The following SLC25A21 variants were observed in gnomAD, a reference collection of about 807,000 sequenced individuals.
SLC25A21 encodes solute carrier family 25 member 21.
SLC25A21 carries 47 observed loss-of-function variants against 43.8 expected under a neutral mutation model. The ratio of observed to expected loss-of-function variants is 1.07; its 90% CI spans 0.85 to 1.37. SLC25A21 has a LOEUF of 1.37. Among genes scored for constraint, SLC25A21 ranks in the 40% most tolerant of loss-of-function variants. The pLI, the probability that SLC25A21 is intolerant of heterozygous loss-of-function variation, is 0.00. For missense variants in SLC25A21, 352 were observed against 350.2 expected, an observed-to-expected ratio of 1.00 and a Z score of -0.04; for synonymous variants, 131 against 121.3, an observed-to-expected ratio of 1.08 and a Z score of -0.52.
chr14:37,019,346 G>T (rs186664692), intron 1 of SLC25A21, among the ~76,000 whole-genome samples: 2 of 151,706 alleles, frequency 1.3e-5, no homozygotes, highest in African/African-American at 4.8e-5. Flanking sequence ...TATATTTTTG[G>T]TCTCATTTTA....
chr14:36,677,929 C>G lies in SLC25A21; in HGVS notation c.*2729G>C, dbSNP rs1321966906. Reference sequence around the variant, plus strand: ...ATTGATTTTCTGGGGCAAAATTCTACAGTTTTTAATCCCTTCTGTTTAGGA... The same window carrying G: ...ATTGATTTTCTGGGGCAAAATTCTAGAGTTTTTAATCCCTTCTGTTTAGGA... On this transcript the variant is annotated 3_prime_UTR_variant, in exon 10 of 10. Coordinates refer to ENST00000331299, the MANE Select transcript of SLC25A21 (RefSeq NM_030631.4). The G allele has an allele frequency of 6.6e-6, 1 of 152,664 alleles. No individual in the cohort carries two copies. The highest frequency in any genetic ancestry group is 2.4e-5 in the African/African-American group (1 of 41,438). 9.5% of individuals were successfully genotyped at this position (152,664 alleles called of 1,614,324 possible).
chr14:36,766,391 A>G (rs1886416384), intron 3 of SLC25A21, among the ~76,000 whole-genome samples: 1 of 152,158 alleles, frequency 6.6e-6, no homozygotes, highest in African/African-American at 2.4e-5. Context: ...GAAAAACACT[A>G]ATCTGAAGTA....
chr14:36,679,637 T>C lies in SLC25A21; in HGVS notation c.*1021A>G. On this transcript the variant is annotated 3_prime_UTR_variant, in exon 10 of 10. Coordinates refer to ENST00000331299, the MANE Select transcript of SLC25A21 (RefSeq NM_030631.4). ...CAGAACATTTCCCCTTCATCATACATATTTTAATACTGCAGACAGCTGACT... is the reference window on the plus strand; with the variant it reads ...CAGAACATTTCCCCTTCATCATACACATTTTAATACTGCAGACAGCTGACT... 5.1e-6 allele frequency: 5 copies of C among 985,424 alleles called. No homozygotes were observed. The highest frequency in any genetic ancestry group is 6.0e-6 in the Non-Finnish European group (5 of 829,894). 61.0% of individuals were successfully genotyped at this position (985,424 alleles called of 1,614,324 possible).
intron 1 of SLC25A21, among the ~76,000 whole-genome samples, chr14:36,948,474 T>TA (rs1020606179): frequency 1.3e-5 from 2 of 152,072 alleles, no homozygotes; most frequent in African/African-American, 4.8e-5. Flanking sequence ...AGAGAACAGA[T>TA]AAAAATAATA....
intron 1 of SLC25A21, among the ~76,000 whole-genome samples, chr14:37,147,095 G>T (rs1963679460): frequency 6.6e-6 from 1 of 152,084 alleles, no homozygotes; most frequent in South Asian, 2.1e-4. Flanking sequence ...AGACCCTCTA[G>T]AACTCCTTCA....
intron 3 of SLC25A21, among the ~76,000 whole-genome samples, chr14:36,746,413 AC>A (rs1885498821): frequency 1.3e-5 from 2 of 152,154 alleles, no homozygotes; most frequent in South Asian, 4.1e-4. Context: ...ACATGGACAT[AC>A]AGAGTGTAGA....
At chr14:36,903,614 GAAAAAAAA>G (rs71124784) in intron 1 of SLC25A21, among the ~76,000 whole-genome samples, 70 of 50,462 alleles carry the variant, frequency 1.4e-3, no homozygotes, top group African/African-American at 6.1e-3. Flanking sequence ...CTCCGTCTCA[GAAAAAAAA>G]AAAAAAAAAA....
At chr14:36,712,443 G>A (rs1384499466) in intron 6 of SLC25A21, among the ~76,000 whole-genome samples, 1 of 151,828 alleles carries the variant, frequency 6.6e-6, no homozygotes, top group Non-Finnish European at 1.5e-5. Flanking sequence ...TGGCAGTCTG[G>A]CACACTTTCA....
intron 2 of SLC25A21, among the ~76,000 whole-genome samples, chr14:36,824,375 T>C (rs758244750): frequency 1.4e-4 from 22 of 152,138 alleles, no homozygotes; most frequent in Non-Finnish European, 2.4e-4. Context: ...ACCTCACATG[T>C]TACCAAGATT....
At chr14:37,016,999 T>C (rs1252181840) in intron 1 of SLC25A21, among the ~76,000 whole-genome samples, 3 of 152,098 alleles carry the variant, frequency 2.0e-5, no homozygotes, top group Non-Finnish European at 4.4e-5. Context: ...TGATCTTCTA[T>C]CCAGACTACT....
rs190466950 is a variant in SLC25A21 at position 36,939,937 on chromosome 14, G to A, written c.71-64933C>T. On this transcript the variant is annotated intron_variant, in intron 1 of 9. Transcript: ENST00000331299. ...TTCACATATCTGTTTTACATTCAGC[G>A]TTCTCCTCCACGTCATATTTGCTAA... Among the ~76,000 whole-genome samples the A allele has an allele frequency of 3.8e-4, 58 of 152,210 alleles. No individual in the cohort carries two copies. In the Middle Eastern group the frequency reaches 0.01, roughly 27 times the overall value.
At chr14:36,956,045 A>AT (rs920655884) in intron 1 of SLC25A21, among the ~76,000 whole-genome samples, 1 of 151,920 alleles carries the variant, frequency 6.6e-6, no homozygotes, top group Non-Finnish European at 1.5e-5. Context: ...CTTTCAGGCC[A>AT]TTTTTTTCAA....
At chr14:37,164,638 A>G (rs992159450) in intron 1 of SLC25A21, among the ~76,000 whole-genome samples, 4 of 152,238 alleles carry the variant, frequency 2.6e-5, no homozygotes, top group Admixed American at 2.0e-4. Context: ...TCTAGTATAC[A>G]TACTATTAAG....
chr14:36,927,256 T>C (rs550649206), intron 1 of SLC25A21, among the ~76,000 whole-genome samples: 2 of 152,212 alleles, frequency 1.3e-5, no homozygotes, highest in Non-Finnish European at 2.9e-5. Context: ...ACCCTAAATG[T>C]ATATTCCCAG....
chr14:36,862,723 C>T (rs1263587875), intron 2 of SLC25A21, among the ~76,000 whole-genome samples: 1 of 152,050 alleles, frequency 6.6e-6, no homozygotes, highest in Non-Finnish European at 1.5e-5. Flanking sequence ...CAAACCTGCA[C>T]ATTCTGCACA....
In SLC25A21 at chr14:36,874,973, T is replaced by C. The variant is rs1157031490; in HGVS notation, c.102A>G (p.Leu34=). ...AACCTTACCTGGTTTTCACCACATC[T>C]AGGGGGTGCATCAGGCAAATTTCTA... ...GLVEICLMHP[L]DVVKTRFQIQ... Residue 34 remains leucine, a synonymous_variant, in exon 2 of 10, where the codon CTA becomes CTG. Coordinates refer to ENST00000331299, the MANE Select transcript of SLC25A21 (RefSeq NM_030631.4). 6.2e-7 allele frequency: 1 copy of C among 1,611,306 alleles called. No individual in the cohort carries two copies. The highest frequency in any genetic ancestry group is 8.5e-7 in the Non-Finnish European group (1 of 1,178,684).
intron 1 of SLC25A21, among the ~76,000 whole-genome samples, chr14:37,111,980 CAAT>C (rs1458282251): frequency 6.6e-6 from 1 of 152,004 alleles, no homozygotes; most frequent in Non-Finnish European, 1.5e-5. Context: ...TGTTTTGCAC[CAAT>C]AATGATTCTG....
At chr14:36,765,749 A>C (rs1886389642) in intron 3 of SLC25A21, among the ~76,000 whole-genome samples, 1 of 152,186 alleles carries the variant, frequency 6.6e-6, no homozygotes, top group Non-Finnish European at 1.5e-5. Context: ...GAAACAAAGG[A>C]TCAAAGCCGT....
Position 37,114,509 on chromosome 14 carries a change from A to C in SLC25A21, c.70+57772T>G, listed in dbSNP as rs79481977. On this transcript the variant is annotated intron_variant, in intron 1 of 9. Coordinates refer to ENST00000331299, the MANE Select transcript of SLC25A21 (RefSeq NM_030631.4). The stretch of plus-strand genomic sequence containing the variant: ...ATCATTTGTTGCTGCGCAATACTTA[A>C]ATCATTTTCTTTAGTAGTCCTCTGA... Among the ~76,000 whole-genome samples the C allele has an allele frequency of 0.016, 2,430 of 152,282 alleles. 184 individuals are homozygous for C. In the East Asian group the frequency reaches 0.26, roughly 16 times the overall value.
Sources: allele counts gnomAD v4.1 joint callset (sites outside exome capture counted in the v4.1 genomes callset), GRCh38; gene constraint gnomAD v4.1.1; transcripts MANE v1.5; gene names NCBI Gene and HGNC (gene_info 2026-07-23, HGNC 2026-07-21).